The following FGF14 variants were observed in gnomAD, a reference collection of about 807,000 sequenced individuals.
FGF14 encodes fibroblast growth factor homologous factor 4.
A neutral mutation model predicts 25.5 loss-of-function variants in FGF14; 5 were observed. The ratio of observed to expected loss-of-function variants is 0.20; its 90% CI spans 0.10 to 0.41. The LOEUF is 0.41. FGF14 is among the 10% of genes least tolerant of loss of function. The probability of loss-of-function intolerance (pLI) is 1.00; values close to 1 mark genes in which losing one functional copy is unlikely to be tolerated. For synonymous variants in FGF14, 138 were observed against 118.3 expected, an observed-to-expected ratio of 1.17 and a Z score of -1.08; for missense variants, 222 against 320.1, an observed-to-expected ratio of 0.69 and a Z score of 2.34.
At chr13:102,049,095 T>C (rs2042111287) in intron 1 of FGF14, among the ~76,000 whole-genome samples, 1 of 151,714 alleles carries the variant, frequency 6.6e-6, no homozygotes, top group African/African-American at 2.4e-5. Context: ...TCAAAGAAAC[T>C]TCAATCAACC....
In FGF14 at chr13:101,839,747, C is replaced by T. The variant is rs539876519; in HGVS notation, c.408+28978G>A. The stretch of plus-strand genomic sequence containing the variant: ...TAGTTAATGGAATATTAAAGAAAGC[C>T]ATAGGTTAACGGTACATCATTTTGA... On this transcript the variant is annotated intron_variant, in intron 3 of 4. Transcript: ENST00000376143. Among the ~76,000 whole-genome samples the T allele has an allele frequency of 2.0e-5, 3 of 151,942 alleles. No individual in the cohort carries two copies. In the South Asian group the frequency reaches 6.2e-4, roughly 32 times the overall value.
chr13:102,061,876 C>T (rs1174257408), intron 1 of FGF14, among the ~76,000 whole-genome samples: 3 of 152,148 alleles, frequency 2.0e-5, no homozygotes, highest in African/African-American at 7.2e-5. Flanking sequence ...GTTCACGTAA[C>T]ATCCTCCATG....
At position 101,876,338 on chromosome 13, in the gene FGF14, G is replaced by A. The variant is rs141061254; in HGVS notation, c.194-1042C>T. 8.4e-3 allele frequency among the ~76,000 whole-genome samples: 1,284 copies of A among 152,312 alleles called. 10 individuals are homozygous for A. The highest frequency in any genetic ancestry group is 0.013 in the Admixed American group (205 of 15,290). On this transcript the variant is annotated intron_variant, in intron 1 of 4. Transcript: ENST00000376143. ...TCTCCACAACAGCTGAATGGGCCATGCTAATGCAATCCGCTGTCGAAACAG... is the reference window on the plus strand; with the variant it reads ...TCTCCACAACAGCTGAATGGGCCATACTAATGCAATCCGCTGTCGAAACAG...
At position 101,820,072 on chromosome 13, in the gene FGF14, G is replaced by A. The variant is rs377317701; in HGVS notation, c.408+48653C>T. ...ATTTAAGATGAGAATTAATTACACC[G>A]ATATAAAGTTATCAAGGGACAAGCC... On this transcript the variant is annotated intron_variant, in intron 3 of 4. Coordinates refer to ENST00000376143, the MANE Select transcript of FGF14 (RefSeq NM_004115.4). Among the ~76,000 whole-genome samples, 15 of 152,186 alleles carry A rather than the reference G, an allele frequency of 9.9e-5. No individual in the cohort carries two copies. In the East Asian group the frequency reaches 2.5e-3, roughly 26 times the overall value.
chr13:101,943,129 T>G (rs899881126), intron 1 of FGF14, among the ~76,000 whole-genome samples: 6 of 152,314 alleles, frequency 3.9e-5, no homozygotes, highest in African/African-American at 1.4e-4. Flanking sequence ...AACTAGTCCA[T>G]GGATAACAAC....
intron 1 of FGF14, among the ~76,000 whole-genome samples, chr13:102,149,786 G>A (rs2047003645): frequency 6.6e-6 from 1 of 152,156 alleles, no homozygotes; most frequent in South Asian, 2.1e-4. Flanking sequence ...AGCCTTGTAA[G>A]GGGAGTTAAC....
At chr13:102,070,415 C>T (rs1014049699) in intron 1 of FGF14, among the ~76,000 whole-genome samples, 4 of 152,120 alleles carry the variant, frequency 2.6e-5, no homozygotes, top group Non-Finnish European at 4.4e-5. Flanking sequence ...AAAGGGTACC[C>T]TTGTACACTG....
chr13:102,382,026 A>G (rs1385273057), intron 1 of FGF14, among the ~76,000 whole-genome samples: 3 of 152,176 alleles, frequency 2.0e-5, no homozygotes, highest in African/African-American at 7.2e-5. Context: ...TATAAGGGCT[A>G]AAACTCTCTA....
At chr13:102,159,222 G>A (rs149596077) in intron 1 of FGF14, among the ~76,000 whole-genome samples, 3 of 151,874 alleles carry the variant, frequency 2.0e-5, no homozygotes, top group African/African-American at 7.2e-5. Context: ...AAAACTAGCT[G>A]TAATAGAATA....
chr13:102,370,653 T>G (rs1019433629), intron 1 of FGF14, among the ~76,000 whole-genome samples: 2 of 151,064 alleles, frequency 1.3e-5, no homozygotes, highest in Admixed American at 6.7e-5. Context: ...ACTGGATTAT[T>G]TTATTTAACT....
intron 1 of FGF14, among the ~76,000 whole-genome samples, chr13:101,895,936 G>A (rs991844016): frequency 6.6e-6 from 1 of 152,176 alleles, no homozygotes; most frequent in South Asian, 2.1e-4. Flanking sequence ...GAATTTCTTT[G>A]GAATCTTGTA....
At chr13:101,794,494 G>A (rs952257416) in intron 3 of FGF14, among the ~76,000 whole-genome samples, 3 of 152,024 alleles carry the variant, frequency 2.0e-5, no homozygotes, top group African/African-American at 4.8e-5. Flanking sequence ...GGGCCAAATC[G>A]CAAGCATTTT....
At chr13:101,835,179 A>G (rs940304849) in intron 3 of FGF14, among the ~76,000 whole-genome samples, 5 of 152,030 alleles carry the variant, frequency 3.3e-5, no homozygotes, top group African/African-American at 1.2e-4. Context: ...ACCTTTGAAG[A>G]TAAAGTAATA....
chr13:101,984,546 T>C lies in FGF14; in HGVS notation c.209-109250A>G, dbSNP rs562217133. 7.2e-5 allele frequency among the ~76,000 whole-genome samples: 11 copies of C among 152,326 alleles called. No homozygotes were observed. The East Asian group carries it at 2.1e-3, about 29-fold the overall frequency. ...CTAAAACTCATTTCCAACTGTAATT[T>C]TTAAGAATACTTAAAGAAGGGATAT... On this transcript the variant is annotated intron_variant, in intron 1 of 4. Coordinates refer to the FGF14 transcript ENST00000376131.
intron 3 of FGF14, among the ~76,000 whole-genome samples, chr13:101,779,982 A>G (rs573003683): frequency 3.9e-5 from 6 of 152,130 alleles, no homozygotes; most frequent in African/African-American, 4.8e-5. Context: ...CTGTGGTTCT[A>G]TGGTAAAGTA....
chr13:102,122,359 C>T (rs148288523), intron 1 of FGF14, among the ~76,000 whole-genome samples: 1 of 152,300 alleles, frequency 6.6e-6, no homozygotes, highest in East Asian at 1.9e-4. Flanking sequence ...CATCCCTCCA[C>T]TCCACCTCTG....
chr13:101,804,687 T>TAC (rs957528581), intron 3 of FGF14, among the ~76,000 whole-genome samples: 36 of 151,724 alleles, frequency 2.4e-4, no homozygotes, highest in East Asian at 1.5e-3. Context: ...TATATATATA[T>TAC]ACACACACAC....
chr13:102,392,774 C>T (rs1236393026), intron 1 of FGF14, among the ~76,000 whole-genome samples: 1 of 152,214 alleles, frequency 6.6e-6, no homozygotes, highest in Non-Finnish European at 1.5e-5. Context: ...TTCACTTCCT[C>T]TCTAGTGCCT....
At chr13:102,290,444 C>T (rs2054327721) in intron 1 of FGF14, among the ~76,000 whole-genome samples, 1 of 152,142 alleles carries the variant, frequency 6.6e-6, no homozygotes, top group South Asian at 2.1e-4. Flanking sequence ...GCAGCCTGAG[C>T]AGACTAAGAC....
Sources: gnomAD v4.1 joint callset for allele counts (sites outside exome capture counted in the v4.1 genomes callset) on GRCh38, gnomAD v4.1.1 for gene constraint, MANE v1.5 for transcripts, NCBI Gene and HGNC (gene_info 2026-07-23, HGNC 2026-07-21) for gene names.